The following GRIA4 variants were observed in gnomAD, a reference collection of about 807,000 sequenced individuals.
GRIA4 encodes the protein glutamate receptor 4.
A neutral mutation model predicts 104.0 loss-of-function variants in GRIA4; 34 were observed. The observed-to-expected ratio is 0.33, with a 90% CI of 0.25 to 0.44. The LOEUF is 0.44. GRIA4 is among the 20% of genes least tolerant of loss of function. The probability of loss-of-function intolerance (pLI) is 1.00; values close to 1 mark genes in which losing one functional copy is unlikely to be tolerated. For synonymous variants in GRIA4, 386 were observed against 381.9 expected, an observed-to-expected ratio of 1.01 and a Z score of -0.13; for missense variants, 750 against 1,096.5, an observed-to-expected ratio of 0.68 and a Z score of 4.46.
intron 3 of GRIA4, among the ~76,000 whole-genome samples, chr11:105,695,480 G>GTC (rs1953241719): frequency 1.2e-4 from 2 of 16,748 alleles, no homozygotes; most frequent in South Asian, 4.5e-3. Flanking sequence ...GTGTGTGTCT[G>GTC]TGTGTGTGTG....
chr11:105,816,509 T>C (rs1432314922), intron 4 of GRIA4, among the ~76,000 whole-genome samples: 2 of 152,186 alleles, frequency 1.3e-5, no homozygotes, highest in African/African-American at 4.8e-5. Flanking sequence ...CCTTCTGCTA[T>C]GATTGTAAGC....
At chr11:105,721,671 A>C (rs1337126771) in intron 3 of GRIA4, among the ~76,000 whole-genome samples, 1 of 152,202 alleles carries the variant, frequency 6.6e-6, no homozygotes, top group East Asian at 1.9e-4. Context: ...TTAAACAAGC[A>C]ATTACACAAA....
intron 3 of GRIA4, among the ~76,000 whole-genome samples, chr11:105,647,988 A>G (rs1951578464): frequency 6.6e-6 from 1 of 151,658 alleles, no homozygotes; most frequent in African/African-American, 2.4e-5. Context: ...ATAAATAAAT[A>G]AATAGTCATA....
At chr11:105,656,657 G>C (rs1263003795) in intron 3 of GRIA4, among the ~76,000 whole-genome samples, 1 of 152,010 alleles carries the variant, frequency 6.6e-6, no homozygotes, top group Non-Finnish European at 1.5e-5. Context: ...AAGGCGTTTA[G>C]ATTTTTTTTG....
At chr11:105,776,862 A>G (rs1591237294) in intron 4 of GRIA4, among the ~76,000 whole-genome samples, 1 of 152,162 alleles carries the variant, frequency 6.6e-6, no homozygotes. Flanking sequence ...TAAAACAAAA[A>G]TTCCTGCTGC....
chr11:105,904,169 G>A (rs186272171), intron 8 of GRIA4, among the ~76,000 whole-genome samples, 188 bp downstream of exon 8: 1 of 152,178 alleles, frequency 6.6e-6, no homozygotes, highest in East Asian at 1.9e-4. Flanking sequence ...CATTTTATGT[G>A]GATGCATAAT....
intron 6 of GRIA4, among the ~76,000 whole-genome samples, chr11:105,892,674 T>C (rs964925555): frequency 2.0e-5 from 3 of 152,188 alleles, no homozygotes; most frequent in South Asian, 2.1e-4. Context: ...CTTGGCGACA[T>C]TGTTTTACTT....
intron 3 of GRIA4, among the ~76,000 whole-genome samples, chr11:105,683,503 A>G (rs1292563563): frequency 3.9e-5 from 6 of 152,098 alleles, no homozygotes; most frequent in African/African-American, 1.2e-4. Context: ...ACAATGTATA[A>G]CTCATTTTTC....
rs1942536852 is a variant in GRIA4, at chr11:105,797,620, T to C, written c.487+44400T>C. On this transcript the variant is annotated intron_variant, in intron 4 of 16. Coordinates refer to ENST00000282499, the MANE Select transcript of GRIA4 (RefSeq NM_000829.4). Reference sequence around the variant, plus strand: ...TGCAGTGTCCTTCCCATCTGATTCTTTGTTCTCATAATCTGGCTAAATGTC... The same window carrying C: ...TGCAGTGTCCTTCCCATCTGATTCTCTGTTCTCATAATCTGGCTAAATGTC... 13 of 252,042 alleles carry C rather than the reference T, an allele frequency of 5.2e-5. 1 individual carries two copies. The highest frequency in any genetic ancestry group is 4.4e-4 in the South Asian group (12 of 26,998). 15.6% of individuals were successfully genotyped at this position (252,042 alleles called of 1,614,324 possible). A position where few individuals can be genotyped will look rare whatever the true frequency, so the allele number is the denominator to read the frequency against.
intron 3 of GRIA4, among the ~76,000 whole-genome samples, chr11:105,654,356 A>G (rs931556784): frequency 2.0e-5 from 3 of 147,294 alleles, no homozygotes; most frequent in South Asian, 2.2e-4. Flanking sequence ...GCCCCCACTG[A>G]AAAAAAAAAA....
intron 3 of GRIA4, among the ~76,000 whole-genome samples, chr11:105,728,024 C>T (rs1426018368): frequency 6.6e-6 from 1 of 152,126 alleles, no homozygotes; most frequent in Non-Finnish European, 1.5e-5. Flanking sequence ...TCACACATAA[C>T]AACGTTAACC....
intron 3 of GRIA4, among the ~76,000 whole-genome samples, chr11:105,690,863 A>G (rs1157320410): frequency 6.6e-6 from 1 of 152,158 alleles, no homozygotes; most frequent in Non-Finnish European, 1.5e-5. Context: ...AGGAATCATA[A>G]TCAACTTCAA....
chr11:105,911,412 T>C (rs1947231170), intron 10 of GRIA4, among the ~76,000 whole-genome samples: 1 of 152,032 alleles, frequency 6.6e-6, no homozygotes, highest in Non-Finnish European at 1.5e-5. Context: ...TAAAGTTATA[T>C]ATACTCAGCT....
intron 3 of GRIA4, among the ~76,000 whole-genome samples, chr11:105,654,811 G>T (rs1186477960): frequency 2.6e-5 from 4 of 152,034 alleles, no homozygotes; most frequent in Non-Finnish European, 5.9e-5. Context: ...AGCAAGTCTT[G>T]GTACACAGAC....
chr11:105,746,676 C>T (rs556065232), intron 3 of GRIA4, among the ~76,000 whole-genome samples: 2 of 152,138 alleles, frequency 1.3e-5, no homozygotes, highest in South Asian at 2.1e-4. Context: ...ATAACATTAG[C>T]ATAATTATTA....
chr11:105,749,156 T>C (rs770855571), intron 3 of GRIA4, among the ~76,000 whole-genome samples: 131 of 152,294 alleles, frequency 8.6e-4, no homozygotes, highest in Admixed American at 1.6e-3. Context: ...TGTCCAAATG[T>C]GTCAAACATA....
chr11:105,882,685 CTG>C (rs1244001979), intron 5 of GRIA4, among the ~76,000 whole-genome samples: 1 of 152,136 alleles, frequency 6.6e-6, no homozygotes, highest in Non-Finnish European at 1.5e-5. Context: ...TTAGTCATTT[CTG>C]TGTGTCTCTT....
rs946375613 is a variant in GRIA4, at chr11:105,979,227, T to C, written c.2545-348T>C. 3.9e-5 allele frequency among the ~76,000 whole-genome samples: 6 copies of C among 152,224 alleles called. No individual in the cohort carries two copies. In the South Asian group the frequency reaches 1.2e-3, roughly 31 times the overall value. Reference sequence around the variant, plus strand: ...TGACAAGGAAATACTATTTAAAGAATGTTGTCAAACATAAAAGAGCTTTTA... The same window carrying C: ...TGACAAGGAAATACTATTTAAAGAACGTTGTCAAACATAAAAGAGCTTTTA... On this transcript the variant is annotated intron_variant, in intron 16 of 16. Transcript: ENST00000282499.
intron 3 of GRIA4, among the ~76,000 whole-genome samples, chr11:105,728,592 G>C (rs2096714): frequency 1.3e-5 from 2 of 151,902 alleles, no homozygotes; most frequent in African/African-American, 4.8e-5. Flanking sequence ...AAAATTGACC[G>C]TATAATTGGA....
Sources: gnomAD v4.1 joint callset for allele counts (sites outside exome capture counted in the v4.1 genomes callset) on GRCh38, gnomAD v4.1.1 for gene constraint, MANE v1.5 for transcripts, NCBI Gene and HGNC (gene_info 2026-07-23, HGNC 2026-07-21) for gene names.